SLC24A2: variants seen among roughly 807,000 people sequenced by gnomAD.
SLC24A2 encodes the protein solute carrier family 24 member 2, also known as sodium/potassium/calcium exchanger 2.
In SLC24A2, 36 loss-of-function variants were observed where a neutral mutation model predicts 62.0. The observed-to-expected ratio is 0.58, with a 90% CI of 0.44 to 0.77. SLC24A2 has a LOEUF of 0.77. Among genes scored for constraint, SLC24A2 ranks in the 30% least tolerant of loss-of-function variants. SLC24A2 has a pLI of 0.00. For missense variants in SLC24A2, 846 were observed against 817.9 expected (o/e 1.03, Z -0.42); for synonymous variants, 358 against 294.0 (o/e 1.22, Z -2.23).
chr9:20,162,384 C>T, the SLC24A2 span, among the ~76,000 whole-genome samples: 1 of 151,568 alleles, frequency 6.6e-6, no homozygotes, highest in Non-Finnish European at 1.5e-5. Context: ...TGAAGCAAAT[C>T]ATAAAATACT....
the SLC24A2 span, among the ~76,000 whole-genome samples, chr9:20,182,858 T>G: frequency 0.031 from 4,709 of 152,262 alleles, 170 homozygotes; most frequent in African/African-American, 0.083. Flanking sequence ...TAAAACTTCA[T>G]GATAAGAACC....
At chr9:19,782,491 T>C (rs1418970821) in intron 2 of SLC24A2, among the ~76,000 whole-genome samples, 2 of 152,234 alleles carry the variant, frequency 1.3e-5, no homozygotes, top group Non-Finnish European at 2.9e-5. Flanking sequence ...TTGGAGTTAA[T>C]GTTTGACCCA....
intron 8 of SLC24A2, among the ~76,000 whole-genome samples, chr9:19,531,422 T>G (rs1329299966): frequency 2.0e-5 from 3 of 152,198 alleles, no homozygotes; most frequent in Non-Finnish European, 2.9e-5. Context: ...TGCCATCTGC[T>G]GGGATGGACC....
the SLC24A2 span, among the ~76,000 whole-genome samples, chr9:19,901,442 A>G: frequency 6.6e-6 from 1 of 152,200 alleles, no homozygotes; most frequent in Admixed American, 6.5e-5. Flanking sequence ...GCTGGGAAGT[A>G]TAGCCTTTGG....
chr9:20,057,116 C>T, the SLC24A2 span, among the ~76,000 whole-genome samples: 2 of 152,110 alleles, frequency 1.3e-5, no homozygotes, highest in Admixed American at 1.3e-4. Context: ...TGTGCATGTG[C>T]ATTTGCATAC....
chr9:19,990,670 A>C, the SLC24A2 span, among the ~76,000 whole-genome samples: 10 of 150,952 alleles, frequency 6.6e-5, no homozygotes, highest in Non-Finnish European at 1.2e-4. Flanking sequence ...GAAAATATCA[A>C]ATGAAAAATT....
intron 2 of SLC24A2, among the ~76,000 whole-genome samples, chr9:19,677,087 C>T (rs954562383): frequency 6.6e-6 from 1 of 152,182 alleles, no homozygotes; most frequent in Non-Finnish European, 1.5e-5. Context: ...TGGGTATATA[C>T]CCAAAGCAAT....
At chr9:19,548,563 C>G (rs1009832989) in intron 8 of SLC24A2, among the ~76,000 whole-genome samples, 2 of 152,196 alleles carry the variant, frequency 1.3e-5, no homozygotes, top group Non-Finnish European at 2.9e-5. Flanking sequence ...AAATGTTCAT[C>G]CTCTTGCCAA....
In SLC24A2 at chr9:19,567,117, T is replaced by A. The variant is rs74776563; in HGVS notation, c.1347+6234A>T. ...AGAACTTAAAGTATAATAAAAAAAA[T>A]ATATATATAAAAGAACTTAAAGTAT... On this transcript the variant is annotated intron_variant, in intron 7 of 10. Transcript: ENST00000341998. Among the ~76,000 whole-genome samples, 1,497 of 142,028 alleles carry A rather than the reference T, an allele frequency of 0.011. 75 individuals are homozygous for A. In the East Asian group the frequency reaches 0.16, roughly 15 times the overall value. The allele number at this position is 142,028 out of a possible 152,430, so 93.2% of individuals were successfully genotyped here.
At chr9:20,219,119 T>A in the SLC24A2 span, among the ~76,000 whole-genome samples, 1 of 152,200 alleles carries the variant, frequency 6.6e-6, no homozygotes, top group Non-Finnish European at 1.5e-5. Flanking sequence ...TTTGAGTTAC[T>A]CAATGGAGTT....
rs1048545359 is a variant in SLC24A2, at chr9:19,513,246, C to T, written c.*2907G>A. The T allele has an allele frequency of 6.8e-6, 1 of 146,578 alleles. No homozygotes were observed. The highest frequency in any genetic ancestry group is 2.5e-5 in the African/African-American group (1 of 39,488). The allele number at this position is 146,578 out of a possible 1,614,324, so 9.1% of individuals were successfully genotyped here. A position where few individuals can be genotyped will look rare whatever the true frequency, so the allele number is the denominator to read the frequency against. On this transcript the variant is annotated 3_prime_UTR_variant, in exon 11 of 11. Coordinates refer to ENST00000341998, the MANE Select transcript of SLC24A2 (RefSeq NM_020344.4). ...CATGCAGGAAACGAGTTAGAGATGA[C>T]CTGTTTTGGAAACCACGGTGTGGAA... is the stretch of plus-strand genomic sequence containing the variant.
the SLC24A2 span, among the ~76,000 whole-genome samples, chr9:20,199,384 G>A: frequency 6.6e-6 from 1 of 152,184 alleles, no homozygotes; most frequent in African/African-American, 2.4e-5. Flanking sequence ...CCCATCCTCA[G>A]AGAGCCTAGC....
chr9:19,942,633 C>T, the SLC24A2 span, among the ~76,000 whole-genome samples: 2,186 of 152,276 alleles, frequency 0.014, 50 homozygotes, highest in African/African-American at 0.05. Flanking sequence ...ATTGCCATCT[C>T]AGATGAGTAT....
rs1392812165 is a variant in SLC24A2, at chr9:19,510,631, A to AT, written c.*5521dup. Reference sequence around the variant, plus strand: ...AGGCTAGACAAACCCTCTTAATGGAATTAAATCTTTGGTGGAAGCCTAGGC... The same window carrying AT: ...AGGCTAGACAAACCCTCTTAATGGAATTTAAATCTTTGGTGGAAGCCTAGGC... On this transcript the variant is annotated 3_prime_UTR_variant, in exon 11 of 11. Coordinates refer to ENST00000341998, the MANE Select transcript of SLC24A2 (RefSeq NM_020344.4). 1 of 152,162 alleles carries AT rather than the reference A, an allele frequency of 6.6e-6. No individual in the cohort carries two copies. Among genetic ancestry groups the AT allele is most frequent in the African/African-American group, 2.4e-5 (1 of 41,446 alleles). 9.4% of individuals were successfully genotyped at this position (152,162 alleles called of 1,614,324 possible).
chr9:20,204,602 T>C, the SLC24A2 span, among the ~76,000 whole-genome samples: 10 of 152,314 alleles, frequency 6.6e-5, no homozygotes, highest in African/African-American at 2.4e-4. Flanking sequence ...TGCTGGCACC[T>C]TGGCATAAAT....
the SLC24A2 span, among the ~76,000 whole-genome samples, chr9:20,087,302 T>C: frequency 6.6e-5 from 10 of 152,222 alleles, no homozygotes; most frequent in African/African-American, 1.7e-4. Context: ...AGCTTTTCTA[T>C]AGTACAGCTA....
intron 2 of SLC24A2, among the ~76,000 whole-genome samples, chr9:19,662,560 A>G (rs1276702130): frequency 6.6e-6 from 1 of 152,136 alleles, no homozygotes; most frequent in Admixed American, 6.5e-5. Flanking sequence ...CTCCTCAACT[A>G]ATTTACAAGC....
chr9:19,813,979 A>G, the SLC24A2 span, among the ~76,000 whole-genome samples: 4 of 152,180 alleles, frequency 2.6e-5, no homozygotes, highest in Non-Finnish European at 5.9e-5. Flanking sequence ...AGGTCATAGT[A>G]CTTTGCTATA....
chr9:20,210,501 T>C, the SLC24A2 span, among the ~76,000 whole-genome samples: 9 of 151,878 alleles, frequency 5.9e-5, no homozygotes, highest in African/African-American at 2.2e-4. Context: ...TTGAGACAGA[T>C]CTCGCTCTGT....
Sources: allele counts gnomAD v4.1 joint callset (sites outside exome capture counted in the v4.1 genomes callset), GRCh38; gene constraint gnomAD v4.1.1; transcripts MANE v1.5; gene names NCBI Gene and HGNC (gene_info 2026-07-23, HGNC 2026-07-21).